Variants in FAM222B observed in about 807,000 individuals in gnomAD.
FAM222B encodes protein FAM222B.
FAM222B carries 12 observed loss-of-function variants against 38.0 expected under a neutral mutation model. That is an observed-to-expected ratio of 0.32 (90% CI 0.20 to 0.51). The LOEUF is 0.51. Among genes scored for constraint, FAM222B ranks in the 20% least tolerant of loss-of-function variants. FAM222B has a pLI of 0.97. For missense variants in FAM222B, 716 were observed against 754.2 expected, an observed-to-expected ratio of 0.95 and a Z score of 0.59; for synonymous variants, 329 against 317.2, an observed-to-expected ratio of 1.04 and a Z score of -0.40.
intron 1 of FAM222B, chr17:28,854,919 G>A: frequency 8.6e-7 from 1 of 1,169,552 alleles, no homozygotes; most frequent in East Asian, 2.5e-5. Flanking sequence ...CACATCCCAT[G>A]TGTCTCGGCT....
chr17:28,826,148 C>T (rs752591777), intron 1 of FAM222B, among the ~76,000 whole-genome samples: 2 of 152,020 alleles, frequency 1.3e-5, no homozygotes, highest in South Asian at 2.1e-4. Flanking sequence ...TGGCTCCCTG[C>T]AACCTCTGCC....
At chr17:28,806,240 A>G (rs575043598) in intron 1 of FAM222B, among the ~76,000 whole-genome samples, 1 of 152,138 alleles carries the variant, frequency 6.6e-6, no homozygotes, top group Non-Finnish European at 1.5e-5. Context: ...TGTATAATCA[A>G]TAACAGACTT....
chr17:28,770,573 T>A (rs956789362), intron 1 of FAM222B, among the ~76,000 whole-genome samples: 133 of 134,868 alleles, frequency 9.9e-4, no homozygotes, highest in Non-Finnish European at 1.2e-3. Context: ...CAGCTAATAT[T>A]TTTTTTTTTT....
intron 1 of FAM222B, among the ~76,000 whole-genome samples, chr17:28,780,454 AGT>A (rs2036118133): frequency 6.6e-6 from 1 of 152,180 alleles, no homozygotes; most frequent in Admixed American, 6.6e-5. Context: ...AAAAATCAGC[AGT>A]GTTTCTATGT....
intron 1 of FAM222B, among the ~76,000 whole-genome samples, chr17:28,797,177 A>AT (rs2036982575): frequency 6.6e-6 from 1 of 151,528 alleles, no homozygotes; most frequent in Non-Finnish European, 1.5e-5. Context: ...TAATTTTTGT[A>AT]TTTTTAGTAG....
intron 1 of FAM222B, among the ~76,000 whole-genome samples, chr17:28,815,544 G>A (rs994120986): frequency 2.6e-5 from 4 of 152,016 alleles, no homozygotes; most frequent in African/African-American, 4.8e-5. Context: ...ATAAAAAAGC[G>A]GGCCAGGTGC....
At chr17:28,817,362 G>A (rs1433163678) in intron 1 of FAM222B, among the ~76,000 whole-genome samples, 1 of 151,440 alleles carries the variant, frequency 6.6e-6, no homozygotes, top group Non-Finnish European at 1.5e-5. Flanking sequence ...GCAGTGAGCC[G>A]ATATCGCACC....
intron 1 of FAM222B, among the ~76,000 whole-genome samples, chr17:28,794,182 A>T (rs1164032347): frequency 1.3e-5 from 2 of 152,082 alleles, no homozygotes; most frequent in African/African-American, 4.8e-5. Flanking sequence ...GTCACCTGCA[A>T]ATCTAATAAC....
intron 1 of FAM222B, among the ~76,000 whole-genome samples, chr17:28,836,358 T>C (rs1598050980): frequency 6.6e-6 from 1 of 152,030 alleles, no homozygotes; most frequent in East Asian, 1.9e-4. Context: ...CAAACCACCA[T>C]TTAATAATTG....
upstream of FAM222B, among the ~76,000 whole-genome samples, chr17:28,843,973 G>GT (rs1469672823): frequency 1.3e-5 from 2 of 152,164 alleles, no homozygotes; most frequent in Admixed American, 1.3e-4. Context: ...TAGGCATCGC[G>GT]TGTATGCTAT....
At chr17:28,788,862 C>T (rs2036535541) in intron 1 of FAM222B, among the ~76,000 whole-genome samples, 1 of 151,930 alleles carries the variant, frequency 6.6e-6, no homozygotes, top group African/African-American at 2.4e-5. Context: ...CTGCCTCAGC[C>T]TCCCGAGTAG....
chr17:28,775,244 A>G (rs1476085937), intron 1 of FAM222B, among the ~76,000 whole-genome samples: 1 of 151,826 alleles, frequency 6.6e-6, no homozygotes, highest in African/African-American at 2.4e-5. Context: ...CGGCCTCCCA[A>G]GGTGCTGGGA....
rs748529747 is a variant in FAM222B, at chr17:28,766,674, T to G, written c.-7A>C. ...CTGGTAGACAGGCTAGCATGGCAGA[T>G]TGGCATCAACACAACATGGGGCAGT... On this transcript the variant is annotated 5_prime_UTR_variant, in exon 2 of 3. Coordinates refer to ENST00000581407, the MANE Select transcript of FAM222B (RefSeq NM_001077498.3). 1.3e-6 allele frequency: 2 copies of G among 1,597,830 alleles called. No homozygotes were observed. Among genetic ancestry groups the G allele is most frequent in the African/African-American group, 2.7e-5 (2 of 74,694 alleles).
At chr17:28,783,391 T>G (rs1597904290) in intron 1 of FAM222B, among the ~76,000 whole-genome samples, 1 of 152,014 alleles carries the variant, frequency 6.6e-6, no homozygotes, top group African/African-American at 2.4e-5. Context: ...TACACAGAAG[T>G]GGGTAAGAGA....
At chr17:28,827,454 G>GT (rs1489753253) in intron 1 of FAM222B, among the ~76,000 whole-genome samples, 1 of 152,126 alleles carries the variant, frequency 6.6e-6, no homozygotes, top group Non-Finnish European at 1.5e-5. Context: ...AATAATAAAT[G>GT]TAAGGAACAT....
intron 1 of FAM222B, among the ~76,000 whole-genome samples, chr17:28,806,742 A>C (rs2037512871): frequency 6.6e-6 from 1 of 152,204 alleles, no homozygotes; most frequent in Non-Finnish European, 1.5e-5. Flanking sequence ...CAGAAAGATA[A>C]AAAAAGCCTC....
chr17:28,821,299 T>TAAA (rs959196188), intron 1 of FAM222B, among the ~76,000 whole-genome samples: 2 of 152,162 alleles, frequency 1.3e-5, no homozygotes, highest in Non-Finnish European at 2.9e-5. Flanking sequence ...ATAGTACTTA[T>TAAA]AAAAATATAT....
intron 1 of FAM222B, among the ~76,000 whole-genome samples, chr17:28,775,443 C>G (rs2035841915): frequency 6.9e-6 from 1 of 144,162 alleles, no homozygotes; most frequent in Non-Finnish European, 1.5e-5. Flanking sequence ...TTCTCTTCTG[C>G]CTTCCTTTCA....
At chr17:28,822,135 C>T in intron 1 of FAM222B, among the ~76,000 whole-genome samples, 1 of 150,138 alleles carries the variant, frequency 6.7e-6, no homozygotes, top group East Asian at 2.1e-4. Flanking sequence ...GATTCTCCTG[C>T]CTCAGTCTCC....
Sources: allele counts gnomAD v4.1 joint callset (sites outside exome capture counted in the v4.1 genomes callset), GRCh38; gene constraint gnomAD v4.1.1; transcripts MANE v1.5; gene names NCBI Gene and HGNC (gene_info 2026-07-23, HGNC 2026-07-21).